Variants in BCAS3 observed in about 807,000 individuals in gnomAD.
BCAS3 encodes BCAS3 microtubule associated cell migration factor, also known as BCAS4/BCAS3 fusion.
Under a neutral mutation model 116.1 loss-of-function variants are expected in BCAS3, and 53 were observed. The ratio of observed to expected loss-of-function variants is 0.46; its 90% confidence interval spans 0.37 to 0.57. The LOEUF is 0.57. Ranked by LOEUF, BCAS3 falls within the 20% of genes least tolerant of loss-of-function variation. The pLI, the probability that BCAS3 is intolerant of heterozygous loss-of-function variation, is 0.00. For missense variants in BCAS3, 917 were observed against 1,165.4 expected, an observed-to-expected ratio of 0.79 and a Z score of 3.10; for synonymous variants, 391 against 408.2, an observed-to-expected ratio of 0.96 and a Z score of 0.51.
intron 9 of BCAS3, among the ~76,000 whole-genome samples, chr17:60,876,344 G>A (rs1349033732): frequency 1.3e-4 from 20 of 151,780 alleles, no homozygotes; most frequent in Non-Finnish European, 2.9e-5. Context: ...CTTTGTCTTC[G>A]TGACCAGAAT....
At chr17:60,970,695 G>A (rs1441358668) in intron 14 of BCAS3, among the ~76,000 whole-genome samples, 1 of 151,992 alleles carries the variant, frequency 6.6e-6, no homozygotes, top group South Asian at 2.1e-4. Context: ...GACATTTTGG[G>A]CTGTATGATA....
At chr17:60,680,113 G>T (rs1262126124) in intron 2 of BCAS3, among the ~76,000 whole-genome samples, 1 of 115,984 alleles carries the variant, frequency 8.6e-6, no homozygotes, top group Non-Finnish European at 1.6e-5. Flanking sequence ...TAGCCTGGGC[G>T]ACACAGCAAG....
intron 13 of BCAS3, among the ~76,000 whole-genome samples, chr17:60,940,746 AT>A (rs1377516586): frequency 7.9e-5 from 12 of 152,184 alleles, no homozygotes; most frequent in African/African-American, 2.9e-4. Context: ...AAACATTTCT[AT>A]TTGATTCAGC....
In BCAS3 at chr17:61,343,423, A is replaced by G. The variant is rs2057314245; in HGVS notation, c.2426-24904A>G. ...GAGCAGCGATCTGGCCATGGTTTAT[A>G]GCAACAGGGAGTGCATCAGAATCAC... On this transcript the variant is annotated intron_variant, in intron 22 of 23. Transcript: ENST00000407086. The surrounding 1 kb of genome is among the most constrained non-coding windows in gnomAD (Gnocchi z 5.5). Among the ~76,000 whole-genome samples, 1 of 152,234 alleles carries G rather than the reference A, an allele frequency of 6.6e-6. No individual in the cohort carries two copies. Among genetic ancestry groups the G allele is most frequent in the Admixed American group, 6.5e-5 (1 of 15,290 alleles).
intron 22 of BCAS3, among the ~76,000 whole-genome samples, chr17:61,305,265 G>A (rs1423116516): frequency 6.6e-6 from 1 of 152,152 alleles, no homozygotes; most frequent in Non-Finnish European, 1.5e-5. Flanking sequence ...CAGCTGCTTA[G>A]TTGGGTTAAC....
chr17:60,855,615 C>A (rs184388401), intron 7 of BCAS3, among the ~76,000 whole-genome samples: 21 of 151,838 alleles, frequency 1.4e-4, no homozygotes, highest in African/African-American at 4.6e-4. Context: ...CCACCACGCC[C>A]GGCCACTATT....
At position 61,368,479 on chromosome 17, in the gene BCAS3, G is replaced by C. The variant is rs746590680; in HGVS notation, c.2578G>C (p.Val860Leu). ...AMAESPSRDV[V>L]GSGTELQREG... ...GGCCGAGTCACCTAGCCGGGACGTC[G>C]TGGGATCCGGAACAGGTAAAGGTGT... Residue 860 changes from valine (V) to leucine (L), a missense_variant, in exon 23 of 24, where the codon GTG becomes CTG. By Grantham distance (32) the Val-to-Leu change is conservative. Around this residue, in one of 3 missense-constraint regions of BCAS3, gnomAD observed 109 missense variants for 122.8 expected, o/e 0.89. Coordinates refer to ENST00000407086, the MANE Select transcript of BCAS3 (RefSeq NM_017679.5). This position sits in a 1 kb window ranked among gnomAD's most constrained non-coding sequence, Gnocchi z 6.0. 1 of 1,606,996 alleles carries C rather than the reference G, an allele frequency of 6.2e-7. No homozygotes were observed. The highest frequency in any genetic ancestry group is 1.1e-5 in the South Asian group (1 of 90,752).
At chr17:61,177,983 T>C (rs1247123714) in intron 22 of BCAS3, among the ~76,000 whole-genome samples, 1 of 152,182 alleles carries the variant, frequency 6.6e-6, no homozygotes, top group Non-Finnish European at 1.5e-5. Flanking sequence ...GGGTAATCTT[T>C]TGTCCTACAT....
chr17:61,034,085 C>T lies in BCAS3; in HGVS notation c.1638-581C>T, dbSNP rs1026077308. Among the ~76,000 whole-genome samples the T allele has an allele frequency of 7.2e-5, 11 of 152,146 alleles. No individual in the cohort carries two copies. The highest frequency in any genetic ancestry group is 2.7e-4 in the African/African-American group (11 of 41,436). The stretch of plus-strand genomic sequence containing the variant: ...ACAGGAAGATCAGTGAATATAATTG[C>T]ATTAGATGATTAGCTATTCTTCCCT... On this transcript the variant is annotated intron_variant, in intron 16 of 23. Transcript: ENST00000407086. This position sits in a 1 kb window ranked among gnomAD's most constrained non-coding sequence, Gnocchi z 5.0.
At chr17:60,858,574 T>C (rs1157881993) in intron 7 of BCAS3, among the ~76,000 whole-genome samples, 1 of 152,186 alleles carries the variant, frequency 6.6e-6, no homozygotes, top group East Asian at 1.9e-4. Flanking sequence ...TTGATGGACA[T>C]TTAATTGTTT....
intron 6 of BCAS3, among the ~76,000 whole-genome samples, chr17:60,799,996 C>G (rs777664286): frequency 2.0e-5 from 3 of 152,018 alleles, no homozygotes; most frequent in Non-Finnish European, 4.4e-5. Context: ...TGAGGGACAT[C>G]CAGGGGTGAT....
chr17:61,347,812 T>A lies in BCAS3; in HGVS notation c.2426-20515T>A, dbSNP rs1354254187. Among the ~76,000 whole-genome samples the A allele has an allele frequency of 6.6e-6, 1 of 152,082 alleles. No individual in the cohort carries two copies. Among genetic ancestry groups the A allele is most frequent in the Admixed American group, 6.6e-5 (1 of 15,264 alleles). On this transcript the variant is annotated intron_variant, in intron 22 of 23. Transcript: ENST00000407086. The surrounding 1 kb of genome is among the most constrained non-coding windows in gnomAD (Gnocchi z 4.3). ...TCCGGCTGACCTAAGTCCTCAAAGATGAATAGGACTTCACCAGGGAAGGCA... is the reference window on the plus strand; with the variant it reads ...TCCGGCTGACCTAAGTCCTCAAAGAAGAATAGGACTTCACCAGGGAAGGCA...
intron 14 of BCAS3, among the ~76,000 whole-genome samples, chr17:60,954,628 T>G (rs950783256): frequency 6.6e-6 from 1 of 152,212 alleles, no homozygotes; most frequent in Non-Finnish European, 1.5e-5. Context: ...ATTAACACAG[T>G]GTCTTTTCTT....
At chr17:60,897,257 T>C (rs1599526136) in intron 10 of BCAS3, among the ~76,000 whole-genome samples, 1 of 152,216 alleles carries the variant, frequency 6.6e-6, no homozygotes, top group Admixed American at 6.5e-5. Context: ...GCTTGTGAGG[T>C]TTCTGCTAAG....
intron 12 of BCAS3, among the ~76,000 whole-genome samples, chr17:60,914,686 GTCC>G (rs2058688835): frequency 2.0e-5 from 3 of 152,010 alleles, no homozygotes; most frequent in Admixed American, 1.3e-4. Context: ...CTTCCTCCCT[GTCC>G]TCCTCCTCCT....
chr17:60,934,763 T>C (rs1190747480), intron 13 of BCAS3, among the ~76,000 whole-genome samples: 1 of 152,196 alleles, frequency 6.6e-6, no homozygotes, highest in African/African-American at 2.4e-5. Flanking sequence ...TATATATTCA[T>C]TTCAAAGAGA....
intron 22 of BCAS3, among the ~76,000 whole-genome samples, chr17:61,329,394 G>A (rs1398263409): frequency 1.3e-5 from 2 of 148,174 alleles, no homozygotes; most frequent in Non-Finnish European, 1.5e-5. Flanking sequence ...AGGCCGGAGT[G>A]CAGTGGCGCG....
intron 22 of BCAS3, among the ~76,000 whole-genome samples, chr17:61,345,636 G>A (rs559619055): frequency 6.6e-6 from 1 of 152,224 alleles, no homozygotes; most frequent in East Asian, 1.9e-4. Context: ...CAGCCTGGAT[G>A]GTTCATCTTG....
intron 14 of BCAS3, among the ~76,000 whole-genome samples, chr17:60,957,222 T>A (rs1226526498): frequency 6.6e-6 from 1 of 152,208 alleles, no homozygotes; most frequent in Non-Finnish European, 1.5e-5. Context: ...ATCAGAAAAG[T>A]GTTAATTTTA....
Sources: gnomAD v4.1 joint callset for allele counts (sites outside exome capture counted in the v4.1 genomes callset) on GRCh38, gnomAD v4.1.1 for gene constraint, gnomAD v4.1.1 regional missense constraint, Gnocchi (gnomAD v3.1) non-coding constraint, MANE v1.5 for transcripts, NCBI Gene and HGNC (gene_info 2026-07-23, HGNC 2026-07-21) for gene names.